The following SVEP1 variants were observed in gnomAD, a reference collection of about 807,000 sequenced individuals.
SVEP1 encodes the protein sushi, von Willebrand factor type A, EGF and pentraxin domain-containing protein 1.
Under a neutral mutation model 367.3 loss-of-function variants are expected in SVEP1, and 164 were observed. The ratio of observed to expected loss-of-function variants is 0.45; its 90% CI spans 0.39 to 0.51. The LOEUF is 0.51. SVEP1 is among the 20% of genes least tolerant of loss of function. The probability of loss-of-function intolerance (pLI) is 0.00; values close to 1 mark genes in which losing one functional copy is unlikely to be tolerated. For missense variants in SVEP1, 4,117 were observed against 4,425.3 expected (o/e 0.93, Z 1.98); for synonymous variants, 1,666 against 1,611.6 (o/e 1.03, Z -0.81).
At chr9:110,391,697 T>G (rs1209559342) in intron 40 of SVEP1, among the ~76,000 whole-genome samples, 2 of 152,196 alleles carry the variant, frequency 1.3e-5, no homozygotes, top group African/African-American at 2.4e-5. Flanking sequence ...CTGAGCTCCA[T>G]GTTAGAATCA....
intron 1 of SVEP1, among the ~76,000 whole-genome samples, chr9:110,566,317 G>C (rs1003670693): frequency 6.8e-6 from 1 of 146,008 alleles, no homozygotes; most frequent in African/African-American, 2.6e-5. Flanking sequence ...GCAAGATCCT[G>C]TCTCCATAAT....
intron 25 of SVEP1, 99 bp from the exon 26 acceptor site, chr9:110,446,137 A>C: frequency 9.5e-7 from 1 of 1,055,932 alleles, no homozygotes; most frequent in East Asian, 2.6e-5. Context: ...CATTTCAGTG[A>C]ATATGATTAT....
chr9:110,442,160 C>T (rs927917329), intron 27 of SVEP1, among the ~76,000 whole-genome samples: 3 of 152,208 alleles, frequency 2.0e-5, no homozygotes, highest in East Asian at 1.9e-4. Flanking sequence ...TACAGGCTTT[C>T]ATAGAATGAT....
At chr9:110,447,449 A>T (rs948576220) in intron 24 of SVEP1, among the ~76,000 whole-genome samples, 1 of 152,222 alleles carries the variant, frequency 6.6e-6, no homozygotes, top group Non-Finnish European at 1.5e-5. Context: ...GATAAGCTAA[A>T]CTGTGGCTCA....
At chr9:110,572,228 C>T (rs1830572131) in intron 1 of SVEP1, among the ~76,000 whole-genome samples, 2 of 152,126 alleles carry the variant, frequency 1.3e-5, no homozygotes, top group Admixed American at 1.3e-4. Flanking sequence ...TAAGAGAAAC[C>T]CTCTCTATGC....
In SVEP1 at chr9:110,469,062, A is replaced by G. The variant is rs781601486; in HGVS notation, c.3038T>C (p.Phe1013Ser). Residue 1013 changes from phenylalanine (F) to serine (S), a missense_variant, in exon 17 of 48, where the codon TTC (phenylalanine) becomes TCC (serine). Around this residue, in one of 4 missense-constraint regions of SVEP1, gnomAD observed 2,174 missense variants for 2,494.3 expected, o/e 0.87. Transcript: ENST00000374469. Reference protein sequence around the residue: ...PLGTYYNLEHFTCESCRIGSY... With the variant: ...PLGTYYNLEHSTCESCRIGSY... Reference sequence around the variant, plus strand: ...TCCGATCCGGCAGCTTTCACAGGTGAAATGTTCCAGATTATAATAGGTTCC... The same window carrying G: ...TCCGATCCGGCAGCTTTCACAGGTGGAATGTTCCAGATTATAATAGGTTCC... 1.2e-6 allele frequency: 2 copies of G among 1,613,812 alleles called. No individual in the cohort carries two copies. The highest frequency in any genetic ancestry group is 1.7e-6 in the Non-Finnish European group (2 of 1,179,832).
At position 110,514,003 on chromosome 9, in the gene SVEP1, G is replaced by A. The variant is rs779244671; in HGVS notation, c.1068C>T (p.Ser356=). 2 of 1,612,952 alleles carry A rather than the reference G, an allele frequency of 1.2e-6. No homozygotes were observed. Among genetic ancestry groups the A allele is most frequent in the African/African-American group, 1.3e-5 (1 of 75,012 alleles). ...ENHTSPPGST[S]PEDCVCREGY... ...CCTCTCTGCAGACACAGTCTTCAGG[G>A]GATGTGCTTCCAGGTGGAGAGGTGT... The change falls in exon 4 of 48, where the codon TCC becomes TCT. Residue 356 remains serine, a synonymous_variant. Coordinates refer to ENST00000374469, the MANE Select transcript of SVEP1 (RefSeq NM_153366.4).
At chr9:110,438,904 A>G (rs978886227) in intron 27 of SVEP1, among the ~76,000 whole-genome samples, 43 of 152,324 alleles carry the variant, frequency 2.8e-4, no homozygotes, top group African/African-American at 1.0e-3. Context: ...CTATATCTTT[A>G]GCTGTATTTT....
chr9:110,556,930 T>C (rs76414834), intron 1 of SVEP1, among the ~76,000 whole-genome samples: 9,982 of 152,316 alleles, frequency 0.066, 448 homozygotes, highest in Non-Finnish European at 0.096. Context: ...TAGTAAATTA[T>C]GTCAGTGTTT....
chr9:110,395,689 CA>C (rs1827747396), intron 40 of SVEP1, among the ~76,000 whole-genome samples: 1 of 150,966 alleles, frequency 6.6e-6, no homozygotes, highest in East Asian at 1.9e-4. Context: ...CAAAAAAAGG[CA>C]GGGGTTGCAA....
At chr9:110,369,702 A>T (rs1470463897) in intron 47 of SVEP1, 1 of 523,118 alleles carries the variant, frequency 1.9e-6, no homozygotes, top group Admixed American at 3.5e-5. Context: ...TGAGCACAAG[A>T]CTGCTTATTT....
chr9:110,398,856 A>C (rs191846628), intron 40 of SVEP1, among the ~76,000 whole-genome samples: 30,914 of 152,114 alleles, frequency 0.2, 3,357 homozygotes, highest in East Asian at 0.34. Context: ...CAGGTGCTAG[A>C]GAGGATGTGG....
chr9:110,370,140 C>A, intron 46 of SVEP1, 124 bp from the exon 47 acceptor site: 2 of 791,070 alleles, frequency 2.5e-6, no homozygotes, highest in Non-Finnish European at 2.0e-6. Context: ...CTTCATATAC[C>A]GTTAGCATTA....
intron 1 of SVEP1, among the ~76,000 whole-genome samples, chr9:110,578,650 C>T (rs913371267): frequency 6.6e-6 from 1 of 152,166 alleles, no homozygotes; most frequent in African/African-American, 2.4e-5. Context: ...GTTTATATCA[C>T]TCCATGTCCT....
chr9:110,453,355 T>A (rs1413979688), intron 22 of SVEP1, among the ~76,000 whole-genome samples: 1 of 152,096 alleles, frequency 6.6e-6, no homozygotes, highest in African/African-American at 2.4e-5. Flanking sequence ...ATAATAATTA[T>A]AATGTGGGTT....
intron 46 of SVEP1, among the ~76,000 whole-genome samples, chr9:110,372,533 G>T (rs1221518591): frequency 6.6e-6 from 1 of 152,168 alleles, no homozygotes; most frequent in Non-Finnish European, 1.5e-5. Flanking sequence ...AAATAAATCA[G>T]ATCTATTTAT....
Position 110,400,952 on chromosome 9 carries a change from C to T in SVEP1, c.9724G>A (p.Gly3242Arg). The T allele has an allele frequency of 1.2e-6, 2 of 1,613,880 alleles. No individual in the cohort carries two copies. Among genetic ancestry groups the T allele is most frequent in the South Asian group, 1.1e-5 (1 of 91,070 alleles). Reference protein sequence around the residue: ...SDESCSPVSCGKPESPEHGFV... With the variant: ...SDESCSPVSCRKPESPEHGFV... ...CCATGTTCTGGACTTTCAGGTTTCC[C>T]ACAAGAAACTGGACTGCAAGATTCA... Residue 3242 changes from glycine (G) to arginine (R), a missense_variant, in exon 40 of 48, where the codon GGG becomes AGG. Gly to Arg is a moderately radical substitution (Grantham distance 125). Transcript: ENST00000374469.
At chr9:110,393,913 T>C (rs1827711406) in intron 40 of SVEP1, among the ~76,000 whole-genome samples, 1 of 152,192 alleles carries the variant, frequency 6.6e-6, no homozygotes. Flanking sequence ...CCTGCCTCTG[T>C]AGGCTCCACC....
Position 110,579,205 on chromosome 9 carries a change from G to A in SVEP1, c.339C>T (p.Phe113=). The change falls in exon 1 of 48, where the codon TTC becomes TTT. Residue 113 remains phenylalanine, a synonymous_variant. Coordinates refer to ENST00000374469, the MANE Select transcript of SVEP1 (RefSeq NM_153366.4). The surrounding 1 kb of genome is among the most constrained non-coding windows in gnomAD (Gnocchi z 5.3). ...LMFVRKLLSD[F]PVVPTATRVA... The stretch of plus-strand genomic sequence containing the variant: ...CGCGCGTGGCCGTGGGCACCACGGG[G>A]AAGTCGGACAGCAGCTTGCGGACGA... 6.4e-7 allele frequency: 1 copy of A among 1,571,602 alleles called. No individual in the cohort carries two copies. The highest frequency in any genetic ancestry group is 8.6e-7 in the Non-Finnish European group (1 of 1,159,098).
Sources: allele counts gnomAD v4.1 joint callset (sites outside exome capture counted in the v4.1 genomes callset), GRCh38; gene constraint gnomAD v4.1.1; regional missense constraint gnomAD v4.1.1; non-coding constraint Gnocchi (gnomAD v3.1); transcripts MANE v1.5; gene names NCBI Gene and HGNC (gene_info 2026-07-23, HGNC 2026-07-21).